PHACTR1: variants seen among roughly 807,000 people sequenced by gnomAD.
The protein encoded by PHACTR1 is RPEL repeat containing 1.
A neutral mutation model predicts 69.2 loss-of-function variants in PHACTR1; 16 were observed. The ratio of observed to expected loss-of-function variants is 0.23; its 90% CI spans 0.16 to 0.35. PHACTR1 has a LOEUF of 0.35. Among genes scored for constraint, PHACTR1 ranks in the 10% least tolerant of loss-of-function variants. PHACTR1 has a pLI of 1.00. For missense variants in PHACTR1, 510 were observed against 734.7 expected, an observed-to-expected ratio of 0.69 and a Z score of 3.54; for synonymous variants, 312 against 284.5, an observed-to-expected ratio of 1.10 and a Z score of -0.97.
At chr6:12,875,292 C>A (rs1013069718) in intron 4 of PHACTR1, among the ~76,000 whole-genome samples, 2 of 152,196 alleles carry the variant, frequency 1.3e-5, no homozygotes, top group Admixed American at 1.3e-4. Flanking sequence ...TCTTCGTGCT[C>A]CATGAGCCCT....
At chr6:13,240,474 T>G in intron 10 of PHACTR1, among the ~76,000 whole-genome samples, 1 of 152,116 alleles carries the variant, frequency 6.6e-6, no homozygotes, top group South Asian at 2.1e-4. Context: ...AGATGGAGTC[T>G]GACTTTGTTG....
chr6:12,843,689 A>T (rs1778921294), intron 4 of PHACTR1, among the ~76,000 whole-genome samples: 1 of 152,138 alleles, frequency 6.6e-6, no homozygotes, highest in South Asian at 2.1e-4. Flanking sequence ...CTTTGCAGAT[A>T]TTCAAAGATG....
At chr6:13,074,489 A>G (rs1810099804) in intron 5 of PHACTR1, among the ~76,000 whole-genome samples, 1 of 152,206 alleles carries the variant, frequency 6.6e-6, no homozygotes, top group African/African-American at 2.4e-5. Flanking sequence ...AGATGCACTT[A>G]CCCTTGACCT....
chr6:12,996,605 G>A (rs963089545), intron 4 of PHACTR1, among the ~76,000 whole-genome samples: 1 of 151,888 alleles, frequency 6.6e-6, no homozygotes, highest in African/African-American at 2.4e-5. Flanking sequence ...ATTTAAGAAG[G>A]GTTACTCTTA....
Position 13,283,387 on chromosome 6 carries a change from T to C in PHACTR1, c.1510-35T>C. ...GACCAAGTGCCATGGTCAACCCTTCTGGCTGACTGGGTCCATCTCTCTCCC... is the reference window on the plus strand; with the variant it reads ...GACCAAGTGCCATGGTCAACCCTTCCGGCTGACTGGGTCCATCTCTCTCCC... On this transcript the variant is annotated intron_variant, in intron 12 of 14. Coordinates refer to ENST00000332995, the MANE Select transcript of PHACTR1 (RefSeq NM_030948.6). This position sits in a 1 kb window ranked among gnomAD's most constrained non-coding sequence, Gnocchi z 4.7. 1 of 1,607,012 alleles carries C rather than the reference T, an allele frequency of 6.2e-7. No individual in the cohort carries two copies. Among genetic ancestry groups the C allele is most frequent in the South Asian group, 1.1e-5 (1 of 90,910 alleles).
chr6:13,131,776 G>T (rs764051951), intron 5 of PHACTR1, among the ~76,000 whole-genome samples: 15 of 152,236 alleles, frequency 9.9e-5, no homozygotes, highest in African/African-American at 2.9e-4. Context: ...TGGTTGGGTA[G>T]ACCTGTTAAA....
chr6:12,724,550 A>G (rs934002922), intron 3 of PHACTR1, among the ~76,000 whole-genome samples: 1 of 152,134 alleles, frequency 6.6e-6, no homozygotes. Flanking sequence ...AAACATATCC[A>G]TCTCCAAAGC....
rs144136039 is a variant in PHACTR1, at chr6:12,898,753, G to A, written c.250+148963G>A. Among the ~76,000 whole-genome samples the A allele has an allele frequency of 7.7e-4, 117 of 152,250 alleles. 1 individual carries two copies. Among genetic ancestry groups the A allele is most frequent in the Admixed American group, 2.7e-3 (41 of 15,282 alleles). Reference sequence around the variant, plus strand: ...GGCCGCAATCTGTCCTTGTTGCCGGGACTTCCCCATCGATGTCAGAATGCA... The same window carrying A: ...GGCCGCAATCTGTCCTTGTTGCCGGAACTTCCCCATCGATGTCAGAATGCA... On this transcript the variant is annotated intron_variant, in intron 4 of 14. Coordinates refer to ENST00000332995, the MANE Select transcript of PHACTR1 (RefSeq NM_030948.6).
chr6:13,235,263 T>C (rs16873855), intron 10 of PHACTR1, among the ~76,000 whole-genome samples: 18,719 of 152,174 alleles, frequency 0.12, 1,848 homozygotes, highest in African/African-American at 0.24. Flanking sequence ...CTTGGGATTC[T>C]GCATCCTGAA....
At chr6:13,051,478 C>T (rs550824925) in intron 4 of PHACTR1, among the ~76,000 whole-genome samples, 58 of 152,304 alleles carry the variant, frequency 3.8e-4, no homozygotes, top group African/African-American at 1.3e-3. Context: ...ACCCCTGTCT[C>T]TCTCCACTAG....
intron 4 of PHACTR1, among the ~76,000 whole-genome samples, chr6:12,894,167 ACT>A (rs1784422517): frequency 6.6e-6 from 1 of 152,094 alleles, no homozygotes; most frequent in Non-Finnish European, 1.5e-5. Flanking sequence ...ACTTTTTGAG[ACT>A]CTAATATCTC....
intron 7 of PHACTR1, among the ~76,000 whole-genome samples, chr6:13,203,477 A>G (rs756970291): frequency 2.0e-5 from 3 of 152,242 alleles, no homozygotes; most frequent in Non-Finnish European, 4.4e-5. Context: ...GCACATAGTA[A>G]GCATGATAGA....
chr6:12,726,115 T>C (rs1389418348), intron 3 of PHACTR1, among the ~76,000 whole-genome samples: 1 of 152,198 alleles, frequency 6.6e-6, no homozygotes, highest in Non-Finnish European at 1.5e-5. Flanking sequence ...TCAACTCTGC[T>C]GTATCTCATA....
chr6:13,096,065 A>G (rs575876959), intron 5 of PHACTR1, among the ~76,000 whole-genome samples: 109 of 152,114 alleles, frequency 7.2e-4, no homozygotes, highest in Non-Finnish European at 1.1e-3. Context: ...TTTTTTAACC[A>G]CATCCCCACA....
intron 4 of PHACTR1, among the ~76,000 whole-genome samples, chr6:12,819,209 TG>T (rs1445284524): frequency 5.9e-5 from 9 of 152,218 alleles, no homozygotes; most frequent in Non-Finnish European, 1.3e-4. Flanking sequence ...GTAGGTCTTT[TG>T]GGGCTTCTCG....
At chr6:12,769,494 G>A (rs746240398) in intron 4 of PHACTR1, among the ~76,000 whole-genome samples, 23 of 152,210 alleles carry the variant, frequency 1.5e-4, no homozygotes, top group Non-Finnish European at 3.1e-4. Context: ...GCCTCTCTAT[G>A]TATGGGACCT....
intron 5 of PHACTR1, among the ~76,000 whole-genome samples, chr6:13,123,044 C>T (rs1252342059): frequency 6.6e-6 from 1 of 152,128 alleles, no homozygotes; most frequent in Non-Finnish European, 1.5e-5. Flanking sequence ...AAATCAAGAA[C>T]GTAGCAAATT....
intron 4 of PHACTR1, among the ~76,000 whole-genome samples, chr6:12,924,711 CT>C (rs1788084992): frequency 6.7e-6 from 1 of 149,318 alleles, no homozygotes; most frequent in Non-Finnish European, 1.5e-5. Context: ...GGAGGCAGAG[CT>C]TGCAGTGAGC....
At position 12,977,083 on chromosome 6, in the gene PHACTR1, G is replaced by A. The variant is rs540697026; in HGVS notation, c.251-76282G>A. 3.9e-5 allele frequency among the ~76,000 whole-genome samples: 6 copies of A among 151,984 alleles called. No individual in the cohort carries two copies. In the South Asian group the frequency reaches 6.3e-4, roughly 16 times the overall value. On this transcript the variant is annotated intron_variant, in intron 4 of 14. Transcript: ENST00000332995. ...TGGGTTCAAGCTATTCTCCTGCCTC[G>A]GCCTTCTGAGTAGCTGGGATTAGAG...
Sources: gnomAD v4.1 joint callset for allele counts (sites outside exome capture counted in the v4.1 genomes callset) on GRCh38, gnomAD v4.1.1 for gene constraint, Gnocchi (gnomAD v3.1) non-coding constraint, MANE v1.5 for transcripts, NCBI Gene and HGNC (gene_info 2026-07-23, HGNC 2026-07-21) for gene names.